Variants in CARMIL1 observed in about 807,000 individuals in gnomAD.
CARMIL1 encodes capping protein regulator and myosin 1 linker 1.
Under a neutral mutation model 177.1 loss-of-function variants are expected in CARMIL1, and 90 were observed. The ratio of observed to expected loss-of-function variants is 0.51; its 90% confidence interval spans 0.43 to 0.61. The LOEUF (loss-of-function observed/expected upper bound fraction) is 0.61, where lower values mean the gene tolerates loss of function less well. Ranked by LOEUF, CARMIL1 falls within the 20% of genes least tolerant of loss-of-function variation. The pLI is 0.00. For missense variants in CARMIL1, 1,380 were observed against 1,667.0 expected (o/e 0.83, Z 3.00); for synonymous variants, 577 against 606.2 (o/e 0.95, Z 0.71).
At chr6:25,358,655 A>G (rs147157416) in intron 2 of CARMIL1, among the ~76,000 whole-genome samples, 145 of 152,286 alleles carry the variant, frequency 9.5e-4, no homozygotes, top group African/African-American at 2.7e-3. Flanking sequence ...TAAGGGGGAA[A>G]AATAATTTGG....
intron 2 of CARMIL1, among the ~76,000 whole-genome samples, chr6:25,329,966 C>T (rs184641682): frequency 6.6e-6 from 1 of 152,308 alleles, no homozygotes; most frequent in East Asian, 1.9e-4. Flanking sequence ...GCACTTGATC[C>T]TATTCAGCGT....
intron 5 of CARMIL1, among the ~76,000 whole-genome samples, chr6:25,448,986 C>T (rs1289151931): frequency 6.8e-6 from 1 of 146,634 alleles, no homozygotes; most frequent in African/African-American, 2.5e-5. Flanking sequence ...AATCTAACTG[C>T]AGCCTCTACC....
chr6:25,420,777 C>T (rs1368859426), intron 3 of CARMIL1, among the ~76,000 whole-genome samples: 1 of 152,160 alleles, frequency 6.6e-6, no homozygotes, highest in Non-Finnish European at 1.5e-5. Flanking sequence ...GTGCAGAATT[C>T]GAACTGATCG....
intron 4 of CARMIL1, among the ~76,000 whole-genome samples, chr6:25,433,967 T>G (rs1364633965): frequency 2.0e-5 from 3 of 152,240 alleles, no homozygotes; most frequent in African/African-American, 7.2e-5. Context: ...CATTATAAAG[T>G]GTTCTCCATC....
rs544734769 is a variant in CARMIL1 at position 25,351,988 on chromosome 6, AT to A, written c.138+67087del. Among the ~76,000 whole-genome samples the A allele has an allele frequency of 5.7e-3, 859 of 151,868 alleles. 8 individuals carry two copies. Among genetic ancestry groups the A allele is most frequent in the African/African-American group, 0.02 (810 of 41,408 alleles). The stretch of plus-strand genomic sequence containing the variant: ...ATCAGAAACCATTTAAAATAAATAG[AT>A]TTTTTTTCTATTCACTAGTTTCATG... On this transcript the variant is annotated intron_variant, in intron 2 of 36. Transcript: ENST00000329474.
In CARMIL1 at chr6:25,450,997, C is replaced by T. The variant is rs534272133; in HGVS notation, c.614+286C>T. Among the ~76,000 whole-genome samples, 3 of 68,456 alleles carry T rather than the reference C, an allele frequency of 4.4e-5. No homozygotes were observed. The South Asian group carries it at 2.6e-3, about 59-fold the overall frequency. The allele number at this position is 68,456 out of a possible 152,430, so 44.9% of individuals were successfully genotyped here. ...TTCTCCTCTCCCCCTCCCCTCTCCCCTCTCCCCTCTCCCCTCTCCCCTCTC... is the reference window on the plus strand; with the variant it reads ...TTCTCCTCTCCCCCTCCCCTCTCCCTTCTCCCCTCTCCCCTCTCCCCTCTC... On this transcript the variant is annotated intron_variant, in intron 8 of 36. Transcript: ENST00000329474.
chr6:25,606,105 G>T lies in CARMIL1; in HGVS notation c.3679G>T (p.Gly1227Ter). The change falls in exon 35 of 37, where the codon GGA becomes TGA. Residue 1227 changes from glycine (G) to a stop codon, truncating the protein, a stop_gained. Transcript: ENST00000329474. LOFTEE classifies it high-confidence loss of function. Reference protein sequence around the residue: ...PGLPENRFGLGTPEKNTKAEP... With the variant: ...PGLPENRFGL Reference sequence around the variant, plus strand: ...TCTTCCAGAGAACCGCTTTGGTTTGGGAACACCAGAAAAGAATACCAAAGC... The same window carrying T: ...TCTTCCAGAGAACCGCTTTGGTTTGTGAACACCAGAAAAGAATACCAAAGC... The T allele has an allele frequency of 6.2e-7, 1 of 1,613,854 alleles. No individual in the cohort carries two copies. The highest frequency in any genetic ancestry group is 8.5e-7 in the Non-Finnish European group (1 of 1,179,868).
At chr6:25,347,674 C>T (rs1390225745) in intron 2 of CARMIL1, among the ~76,000 whole-genome samples, 1 of 152,000 alleles carries the variant, frequency 6.6e-6, no homozygotes, top group Non-Finnish European at 1.5e-5. Flanking sequence ...TCCCATATAC[C>T]CTTTACTCAG....
chr6:25,336,981 C>T (rs1325813439), intron 2 of CARMIL1, among the ~76,000 whole-genome samples: 1 of 152,098 alleles, frequency 6.6e-6, no homozygotes, highest in African/African-American at 2.4e-5. Flanking sequence ...GGCACAGTTG[C>T]CCTTTAAAAA....
intron 12 of CARMIL1, among the ~76,000 whole-genome samples, chr6:25,486,820 G>C (rs1488369997): frequency 6.6e-6 from 1 of 152,100 alleles, no homozygotes; most frequent in Non-Finnish European, 1.5e-5. Context: ...TATCTCAGAA[G>C]ACCCTGCCTG....
chr6:25,586,076 G>A (rs749649361), intron 31 of CARMIL1, among the ~76,000 whole-genome samples: 3 of 151,066 alleles, frequency 2.0e-5, no homozygotes, highest in African/African-American at 4.9e-5. Flanking sequence ...CCTCCCAGAC[G>A]GGGTGGCGGC....
intron 5 of CARMIL1, among the ~76,000 whole-genome samples, chr6:25,437,912 C>G (rs548101352): frequency 6.6e-5 from 10 of 152,168 alleles, no homozygotes; most frequent in Non-Finnish European, 1.3e-4. Context: ...CTCCCTGCTT[C>G]TAGTTCTTCT....
At chr6:25,538,862 C>T (rs1240861639) in intron 25 of CARMIL1, among the ~76,000 whole-genome samples, 1 of 152,032 alleles carries the variant, frequency 6.6e-6, no homozygotes, top group Non-Finnish European at 1.5e-5. Context: ...TGGAGAGGGG[C>T]TGGAGATTGA....
intron 26 of CARMIL1, among the ~76,000 whole-genome samples, chr6:25,544,424 C>A (rs559964019): frequency 6.4e-4 from 98 of 152,024 alleles, no homozygotes; most frequent in African/African-American, 2.2e-3. Context: ...CCGATATTAA[C>A]ACTGACAGCT....
intron 2 of CARMIL1, among the ~76,000 whole-genome samples, chr6:25,385,663 A>G (rs1341175593): frequency 6.6e-6 from 1 of 152,148 alleles, no homozygotes; most frequent in East Asian, 1.9e-4. Context: ...TTTTGAATAC[A>G]TGTTTTCTAG....
chr6:25,293,102 T>C (rs940072127), intron 2 of CARMIL1, among the ~76,000 whole-genome samples: 2 of 136,170 alleles, frequency 1.5e-5, no homozygotes, highest in Non-Finnish European at 3.0e-5. Flanking sequence ...CTAAAATGCT[T>C]TTTTTTTTTA....
chr6:25,351,870 A>T, intron 2 of CARMIL1, among the ~76,000 whole-genome samples: 1 of 152,006 alleles, frequency 6.6e-6, no homozygotes, highest in Non-Finnish European at 1.5e-5. Flanking sequence ...GAAAAAAAAA[A>T]TCTTATTCAG....
At chr6:25,486,187 C>T (rs1298514315) in intron 12 of CARMIL1, among the ~76,000 whole-genome samples, 2 of 152,148 alleles carry the variant, frequency 1.3e-5, no homozygotes, top group Non-Finnish European at 2.9e-5. Context: ...TTAGTTAGGG[C>T]TGTAAGAGCC....
Position 25,441,320 on chromosome 6 carries a change from C to CATATATATATAT in CARMIL1, c.371+5723_371+5734dup, listed in dbSNP as rs199573016. 6.0e-3 allele frequency among the ~76,000 whole-genome samples: 596 copies of CATATATATATAT among 99,496 alleles called. 12 individuals are homozygous for CATATATATATAT. Among genetic ancestry groups the CATATATATATAT allele is most frequent in the Middle Eastern group, 0.018 (4 of 218 alleles). 65.3% of individuals were successfully genotyped at this position (99,496 alleles called of 152,430 possible). On this transcript the variant is annotated intron_variant, in intron 5 of 36. Coordinates refer to ENST00000329474, the MANE Select transcript of CARMIL1 (RefSeq NM_017640.6). ...ATCTCAAAACAAACAAACAAACAAA[C>CATATATATATAT]ATATATATATATATATATGTGTGTG...
Sources: gnomAD v4.1 joint callset for allele counts (sites outside exome capture counted in the v4.1 genomes callset) on GRCh38, gnomAD v4.1.1 for gene constraint, MANE v1.5 for transcripts, NCBI Gene and HGNC (gene_info 2026-07-23, HGNC 2026-07-21) for gene names.